PTPRR: variants seen among roughly 807,000 people sequenced by gnomAD.
PTPRR encodes protein tyrosine phosphatase receptor type R.
Under a neutral mutation model 77.2 loss-of-function variants are expected in PTPRR, and 38 were observed. That is an observed-to-expected ratio of 0.49 (90% CI 0.38 to 0.65). PTPRR has a LOEUF of 0.65. Among genes scored for constraint, PTPRR ranks in the 30% least tolerant of loss-of-function variants. The probability of loss-of-function intolerance (pLI) is 0.00; values close to 1 mark genes in which losing one functional copy is unlikely to be tolerated. For missense variants in PTPRR, 744 were observed against 799.2 expected (o/e 0.93, Z 0.83); for synonymous variants, 299 against 283.1 (o/e 1.06, Z -0.57).
At chr12:70,795,446 A>G (rs914937737) in intron 2 of PTPRR, among the ~76,000 whole-genome samples, 8 of 152,242 alleles carry the variant, frequency 5.3e-5, no homozygotes, top group Non-Finnish European at 8.8e-5. Context: ...CTAAAATAAG[A>G]TAAATCCTCA....
intron 2 of PTPRR, among the ~76,000 whole-genome samples, chr12:70,809,217 C>T (rs1891765602): frequency 6.6e-6 from 1 of 152,130 alleles, no homozygotes; most frequent in Non-Finnish European, 1.5e-5. Flanking sequence ...CCCTTCCTTC[C>T]TTAAACACTG....
intron 2 of PTPRR, among the ~76,000 whole-genome samples, chr12:70,856,625 A>T (rs543733419): frequency 2.0e-5 from 3 of 152,314 alleles, no homozygotes; most frequent in Admixed American, 2.0e-4. Flanking sequence ...GAGATAACAG[A>T]GGTCACACCT....
chr12:70,740,638 A>C (rs1314245578), intron 6 of PTPRR, among the ~76,000 whole-genome samples: 1 of 152,094 alleles, frequency 6.6e-6, no homozygotes, highest in Admixed American at 6.5e-5. Flanking sequence ...ATCTTATTTG[A>C]CTTATCTTTT....
intron 2 of PTPRR, among the ~76,000 whole-genome samples, chr12:70,769,155 G>A (rs1210997691): frequency 2.1e-5 from 3 of 142,194 alleles, no homozygotes; most frequent in African/African-American, 5.5e-5. Flanking sequence ...GGAAGTTCTG[G>A]CCAGGGCAAT....
intron 6 of PTPRR, among the ~76,000 whole-genome samples, chr12:70,728,076 T>C (rs1029570081): frequency 6.6e-6 from 1 of 151,500 alleles, no homozygotes; most frequent in Non-Finnish European, 1.5e-5. Context: ...TTTATCAAAA[T>C]GTGAAATAAT....
At chr12:70,729,835 GAAA>G (rs949216382) in intron 6 of PTPRR, among the ~76,000 whole-genome samples, 3 of 146,352 alleles carry the variant, frequency 2.0e-5, no homozygotes, top group African/African-American at 7.5e-5. Context: ...AATGATTTAA[GAAA>G]AAAAAAACCT....
chr12:70,641,175 T>C (rs1885983718), intron 13 of PTPRR, among the ~76,000 whole-genome samples: 1 of 152,182 alleles, frequency 6.6e-6, no homozygotes, highest in East Asian at 1.9e-4. Context: ...ACAGTAAATA[T>C]TAGGGTAGCT....
At chr12:70,838,435 T>C (rs905323478) in intron 2 of PTPRR, among the ~76,000 whole-genome samples, 1 of 152,192 alleles carries the variant, frequency 6.6e-6, no homozygotes, top group Non-Finnish European at 1.5e-5. Context: ...TCTTTCCTAA[T>C]GCATCTTGAC....
At chr12:70,732,144 C>T (rs937109456) in intron 6 of PTPRR, among the ~76,000 whole-genome samples, 14 of 152,198 alleles carry the variant, frequency 9.2e-5, no homozygotes, top group Non-Finnish European at 1.9e-4. Flanking sequence ...TGGGCCTCTG[C>T]CATACTTTGA....
chr12:70,907,359 T>C (rs1893637518), intron 1 of PTPRR, among the ~76,000 whole-genome samples: 1 of 152,174 alleles, frequency 6.6e-6, no homozygotes. Context: ...CAAAATATTC[T>C]ATTAGGAAAA....
chr12:70,652,692 G>T (rs1189794369), intron 13 of PTPRR, among the ~76,000 whole-genome samples: 1 of 152,198 alleles, frequency 6.6e-6, no homozygotes, highest in Non-Finnish European at 1.5e-5. Context: ...GGAAGACCTT[G>T]GTGGTGACGG....
rs980770684 is a variant in PTPRR, at chr12:70,730,801, G to C, written c.1007+15017C>G. 2.0e-5 allele frequency among the ~76,000 whole-genome samples: 3 copies of C among 151,854 alleles called. No homozygotes were observed. In the East Asian group the frequency reaches 5.8e-4, roughly 29 times the overall value. On this transcript the variant is annotated intron_variant, in intron 6 of 13. Coordinates refer to ENST00000283228, the MANE Select transcript of PTPRR (RefSeq NM_002849.4). ...ATCATGCCACGCCACTCCAGCTTGG[G>C]GGAGAGAGAGAGAGAGACAGAGAGA... is the stretch of plus-strand genomic sequence containing the variant.
chr12:70,694,159 C>G (rs1221836402), intron 8 of PTPRR, among the ~76,000 whole-genome samples: 2 of 151,890 alleles, frequency 1.3e-5, no homozygotes. Flanking sequence ...GAGTGGTTCA[C>G]TTATTTGCAT....
chr12:70,698,828 T>C (rs1214222772), intron 7 of PTPRR, among the ~76,000 whole-genome samples: 1 of 152,240 alleles, frequency 6.6e-6, no homozygotes, highest in East Asian at 1.9e-4. Flanking sequence ...AGGGCTTTTT[T>C]GTTAATTCAA....
chr12:70,892,784 T>C lies in PTPRR; in HGVS notation c.252A>G (p.Ala84=). The change falls in exon 2 of 14, where the codon GCA becomes GCG. Residue 84 remains alanine, a synonymous_variant. Coordinates refer to ENST00000283228, the MANE Select transcript of PTPRR (RefSeq NM_002849.4). ...ACGGGTCATATGCGGGTCTAGGAAATGCTGAATTGACAATCTGGTGGCGTT... is the reference window on the plus strand; with the variant it reads ...ACGGGTCATATGCGGGTCTAGGAAACGCTGAATTGACAATCTGGTGGCGTT... The part of the protein sequence containing the change: ...VSKRHQIVNS[A]FPRPAYDPSL... The C allele has an allele frequency of 1.9e-6, 3 of 1,613,560 alleles. No individual in the cohort carries two copies. The highest frequency in any genetic ancestry group is 1.3e-5 in the African/African-American group (1 of 75,002).
At position 70,761,533 on chromosome 12, in the gene PTPRR, G is replaced by A. The variant is rs1398197610; in HGVS notation, c.565C>T (p.Leu189Phe). 7 of 1,612,302 alleles carry A rather than the reference G, an allele frequency of 4.3e-6. No homozygotes were observed. The Admixed American group carries it at 6.7e-5, about 15-fold the overall frequency. Residue 189 changes from leucine to phenylalanine, a missense_variant, in exon 4 of 14, where the codon CTT becomes TTT. Physicochemically the swap from Leu to Phe is conservative, Grantham distance 22 (BLOSUM62 0). Around this residue, in one of 3 missense-constraint regions of PTPRR, gnomAD observed 570 missense variants for 573.2 expected, o/e 0.99. Coordinates refer to ENST00000283228, the MANE Select transcript of PTPRR (RefSeq NM_002849.4). Reference sequence around the variant, plus strand: ...CTTTGATGCAAAACATTGATATTAAGTGAACGAAGAACTTCCTCAGAGGGC... The same window carrying A: ...CTTTGATGCAAAACATTGATATTAAATGAACGAAGAACTTCCTCAGAGGGC... Reference protein sequence around the residue: ...ALPSEEVLRSLNINVLHQSLS... With the variant: ...ALPSEEVLRSFNINVLHQSLS...
chr12:70,876,458 A>G (rs1201855985), intron 2 of PTPRR, among the ~76,000 whole-genome samples: 1 of 152,190 alleles, frequency 6.6e-6, no homozygotes, highest in African/African-American at 2.4e-5. Context: ...CGTGAAAATT[A>G]TGCAGCTATT....
rs538094997 is a variant in PTPRR, at chr12:70,781,803, T to C, written c.358-17025A>G. Among the ~76,000 whole-genome samples the C allele has an allele frequency of 5.1e-4, 78 of 152,310 alleles. No homozygotes were observed. In the South Asian group the frequency reaches 0.014, roughly 27 times the overall value. ...TTTTTTCCCCATAGTTTTAAATAAC[T>C]ATGACCTTTATACTACAGCAATAGT... On this transcript the variant is annotated intron_variant, in intron 2 of 13. Coordinates refer to ENST00000283228, the MANE Select transcript of PTPRR (RefSeq NM_002849.4).
intron 1 of PTPRR, among the ~76,000 whole-genome samples, chr12:70,910,238 G>A (rs1444537173): frequency 6.6e-6 from 1 of 152,068 alleles, no homozygotes; most frequent in Non-Finnish European, 1.5e-5. Context: ...ATGCTGCAGG[G>A]TCTTATACAT....
Sources: gnomAD v4.1 joint callset for allele counts (sites outside exome capture counted in the v4.1 genomes callset) on GRCh38, gnomAD v4.1.1 for gene constraint, gnomAD v4.1.1 regional missense constraint, MANE v1.5 for transcripts, NCBI Gene and HGNC (gene_info 2026-07-23, HGNC 2026-07-21) for gene names.